NHLRC2: variants seen among roughly 807,000 people sequenced by gnomAD.
NHLRC2 encodes NHL repeat containing 2, also known as NHL repeat-containing protein 2.
A neutral mutation model predicts 68.1 loss-of-function variants in NHLRC2; 33 were observed. The ratio of observed to expected loss-of-function variants is 0.48; its 90% CI spans 0.37 to 0.65. The LOEUF is 0.65. Among genes scored for constraint, NHLRC2 ranks in the 30% least tolerant of loss-of-function variants. The probability of loss-of-function intolerance (pLI) is 0.00; values close to 1 mark genes in which losing one functional copy is unlikely to be tolerated. For missense variants in NHLRC2, 761 were observed against 853.8 expected, an observed-to-expected ratio of 0.89 and a Z score of 1.35; for synonymous variants, 311 against 309.6, an observed-to-expected ratio of 1.00 and a Z score of -0.05.
At chr10:113,869,731 TTACA>T (rs1171025301) in intron 2 of NHLRC2, among the ~76,000 whole-genome samples, 2 of 152,208 alleles carry the variant, frequency 1.3e-5, no homozygotes, top group African/African-American at 2.4e-5. Flanking sequence ...ATGATAAATA[TTACA>T]TATATATAAT....
rs1325646821 is a variant in NHLRC2, at chr10:113,915,993, G to C, written c.*7457G>C. 6.6e-6 allele frequency: 1 copy of C among 152,096 alleles called. No individual in the cohort carries two copies. Among genetic ancestry groups the C allele is most frequent in the Non-Finnish European group, 1.5e-5 (1 of 68,024 alleles). 9.4% of individuals were successfully genotyped at this position (152,096 alleles called of 1,614,324 possible). ...AAAAATATATGTTGAGGTAAATAGG[G>C]CAAAACATTAGTTGATAAATTATGC... On this transcript the variant is annotated 3_prime_UTR_variant, in exon 11 of 11. Transcript: ENST00000369301.
chr10:113,889,905 G>C (rs1846116409), intron 5 of NHLRC2, among the ~76,000 whole-genome samples: 1 of 152,110 alleles, frequency 6.6e-6, no homozygotes, highest in Non-Finnish European at 1.5e-5. Flanking sequence ...TCGTTGTATG[G>C]CTCTACCACA....
At chr10:113,898,762 G>A (rs1196492953) in intron 6 of NHLRC2, among the ~76,000 whole-genome samples, 1 of 152,208 alleles carries the variant, frequency 6.6e-6, no homozygotes, top group Non-Finnish European at 1.5e-5. Context: ...CAGGCCTGAG[G>A]TTGAATCCTG....
chr10:113,874,879 C>G (rs996419006), intron 2 of NHLRC2, among the ~76,000 whole-genome samples: 1 of 151,746 alleles, frequency 6.6e-6, no homozygotes, highest in East Asian at 1.9e-4. Flanking sequence ...TTTTTCAGTT[C>G]TAACATTTTT....
At chr10:113,856,375 T>C (rs1360518769) in intron 1 of NHLRC2, among the ~76,000 whole-genome samples, 2 of 152,214 alleles carry the variant, frequency 1.3e-5, no homozygotes, top group Admixed American at 6.5e-5. Flanking sequence ...CCAAGTCTTT[T>C]GCACTACTCA....
At chr10:113,872,761 TAA>T (rs56279136) in intron 2 of NHLRC2, among the ~76,000 whole-genome samples, 32 of 136,380 alleles carry the variant, frequency 2.3e-4, no homozygotes, top group Admixed American at 1.4e-4. Flanking sequence ...GAAAATGAGC[TAA>T]AAAAAAAAAA....
intron 3 of NHLRC2, among the ~76,000 whole-genome samples, chr10:113,879,084 A>G (rs1460132311): frequency 6.6e-6 from 1 of 152,190 alleles, no homozygotes; most frequent in Non-Finnish European, 1.5e-5. Flanking sequence ...TTTCTGACAA[A>G]GTGAAATAGT....
intron 5 of NHLRC2, among the ~76,000 whole-genome samples, chr10:113,893,771 T>A (rs1846153066): frequency 1.3e-5 from 2 of 152,196 alleles, no homozygotes; most frequent in Non-Finnish European, 2.9e-5. Context: ...GAGAACTAGA[T>A]AACAAAGTTA....
chr10:113,871,111 G>A (rs1845920621), intron 2 of NHLRC2, among the ~76,000 whole-genome samples: 1 of 134,994 alleles, frequency 7.4e-6, no homozygotes, highest in Non-Finnish European at 1.5e-5. Flanking sequence ...CGCAACGTTT[G>A]CCTCTCAGGT....
chr10:113,888,975 C>T (rs574162529), intron 5 of NHLRC2, among the ~76,000 whole-genome samples: 9 of 151,962 alleles, frequency 5.9e-5, no homozygotes, highest in Admixed American at 5.9e-4. Flanking sequence ...TACAGGTGTG[C>T]ACCACCATGC....
intron 4 of NHLRC2, among the ~76,000 whole-genome samples, chr10:113,883,796 A>T (rs1214464654): frequency 6.6e-6 from 1 of 151,968 alleles, no homozygotes; most frequent in Non-Finnish European, 1.5e-5. Context: ...TCACACAGTT[A>T]TGAGCATGGC....
At chr10:113,907,113 A>C (rs1251536688) in intron 10 of NHLRC2, among the ~76,000 whole-genome samples, 1 of 152,272 alleles carries the variant, frequency 6.6e-6, no homozygotes, top group African/African-American at 2.4e-5. Flanking sequence ...AGAGAATTTA[A>C]AAAGAATTCT....
intron 1 of NHLRC2, among the ~76,000 whole-genome samples, chr10:113,855,866 T>C (rs1261643101): frequency 6.6e-6 from 1 of 152,140 alleles, no homozygotes; most frequent in Non-Finnish European, 1.5e-5. Context: ...CTTATTCAAT[T>C]ACCTCTATAT....
chr10:113,908,228 C>T lies in NHLRC2; in HGVS notation c.1925-52C>T. 4 of 1,382,130 alleles carry T rather than the reference C, an allele frequency of 2.9e-6. No homozygotes were observed. In the South Asian group the frequency reaches 4.9e-5, roughly 17 times the overall value. 85.6% of individuals were successfully genotyped at this position (1,382,130 alleles called of 1,614,324 possible). On this transcript the variant is annotated intron_variant, in intron 10 of 10. Coordinates refer to ENST00000369301, the MANE Select transcript of NHLRC2 (RefSeq NM_198514.4). ...TTATCTAGTCTTCATAAGATGTTCC[C>T]AGTTTTCTACTTATCTTATACAGTC...
rs1001767583 is a variant in NHLRC2, at chr10:113,912,040, T to C, written c.*3504T>C. The C allele has an allele frequency of 6.6e-6, 1 of 152,214 alleles. No individual in the cohort carries two copies. Among genetic ancestry groups the C allele is most frequent in the Non-Finnish European group, 1.5e-5 (1 of 68,024 alleles). The allele number at this position is 152,214 out of a possible 1,614,324, so 9.4% of individuals were successfully genotyped here. A position where few individuals can be genotyped will look rare whatever the true frequency, so the allele number is the denominator to read the frequency against. On this transcript the variant is annotated 3_prime_UTR_variant, in exon 11 of 11. Transcript: ENST00000369301. ...AGCTCAGAACATTGTTTGGAGTCCT[T>C]TGATCTACCGGTTCTCTTAAGTACG...
intron 2 of NHLRC2, among the ~76,000 whole-genome samples, chr10:113,864,710 CCACACA>C (rs962965932): frequency 1.4e-5 from 2 of 147,394 alleles, no homozygotes; most frequent in Non-Finnish European, 3.0e-5. Context: ...AAAAAAAAAA[CCACACA>C]CACACACAAA....
In NHLRC2 at chr10:113,864,474, C is replaced by G. The variant is rs1346953007; in HGVS notation, c.331+5794C>G. ...CAGCACTTTGGGAGGCCAAGGCAGG[C>G]GGATCATGAGGTCAAGAGATGGAGA... On this transcript the variant is annotated intron_variant, in intron 2 of 10. Coordinates refer to ENST00000369301, the MANE Select transcript of NHLRC2 (RefSeq NM_198514.4). Among the ~76,000 whole-genome samples, 3 of 152,006 alleles carry G rather than the reference C, an allele frequency of 2.0e-5. No homozygotes were observed. In the East Asian group the frequency reaches 5.8e-4, roughly 29 times the overall value.
intron 5 of NHLRC2, among the ~76,000 whole-genome samples, chr10:113,885,405 A>G (rs932932597): frequency 6.6e-6 from 1 of 151,970 alleles, no homozygotes; most frequent in African/African-American, 2.4e-5. Flanking sequence ...GGAGCAGTGC[A>G]TCCAACTAAA....
chr10:113,916,010 A>C lies in NHLRC2; in HGVS notation c.*7474A>C, dbSNP rs1387207758. 2 of 152,210 alleles carry C rather than the reference A, an allele frequency of 1.3e-5. No individual in the cohort carries two copies. Among genetic ancestry groups the C allele is most frequent in the Non-Finnish European group, 2.9e-5 (2 of 68,036 alleles). 9.4% of individuals were successfully genotyped at this position (152,210 alleles called of 1,614,324 possible). ...TAAATAGGGCAAAACATTAGTTGAT[A>C]AATTATGCTAATTAATGGGAAAAAT... On this transcript the variant is annotated 3_prime_UTR_variant, in exon 11 of 11. Coordinates refer to ENST00000369301, the MANE Select transcript of NHLRC2 (RefSeq NM_198514.4).
Sources: allele counts gnomAD v4.1 joint callset (sites outside exome capture counted in the v4.1 genomes callset), GRCh38; gene constraint gnomAD v4.1.1; transcripts MANE v1.5; gene names NCBI Gene and HGNC (gene_info 2026-07-23, HGNC 2026-07-21).